The following ITFG1 variants were observed in gnomAD, a reference collection of about 807,000 sequenced individuals.
ITFG1 encodes integrin alpha FG-GAP repeat containing 1.
Under a neutral mutation model 81.8 loss-of-function variants are expected in ITFG1, and 34 were observed. The observed-to-expected ratio is 0.42, with a 90% confidence interval of 0.32 to 0.55. The LOEUF is 0.55. ITFG1 is among the 20% of genes least tolerant of loss of function. ITFG1 has a pLI of 0.17. For missense variants in ITFG1, 672 were observed against 755.4 expected, an observed-to-expected ratio of 0.89 and a Z score of 1.29; for synonymous variants, 285 against 270.6, an observed-to-expected ratio of 1.05 and a Z score of -0.52.
chr16:47,162,146 G>C (rs1486227123), intron 15 of ITFG1, among the ~76,000 whole-genome samples: 1 of 151,862 alleles, frequency 6.6e-6, no homozygotes. Flanking sequence ...AATTCAAATT[G>C]AGACTGACAA....
chr16:47,166,769 ACCC>A (rs760899883), intron 14 of ITFG1, among the ~76,000 whole-genome samples: 150,767 of 152,200 alleles, frequency 0.99, 74,688 homozygotes, highest in East Asian at 1. Flanking sequence ...TTTAGTTTGC[ACCC>A]AAATTAGTTT....
intron 15 of ITFG1, 34 bp from the exon 16 acceptor site, chr16:47,161,866 G>C (rs1964811321): frequency 3.3e-6 from 4 of 1,226,962 alleles, no homozygotes; most frequent in Non-Finnish European, 4.8e-6. Flanking sequence ...TTAACATTCA[G>C]CACATTTAAA....
intron 7 of ITFG1, among the ~76,000 whole-genome samples, chr16:47,372,932 C>G (rs1471096083): frequency 6.6e-6 from 1 of 152,302 alleles, no homozygotes; most frequent in East Asian, 1.9e-4. Context: ...AATCTCCCTA[C>G]GTCCAGATGT....
intron 5 of ITFG1, among the ~76,000 whole-genome samples, chr16:47,443,252 G>A (rs1969278143): frequency 6.6e-6 from 1 of 152,160 alleles, no homozygotes; most frequent in African/African-American, 2.4e-5. Flanking sequence ...GAAACAACAG[G>A]TGCTGGAGAG....
chr16:47,175,125 A>G (rs544725890), intron 14 of ITFG1, among the ~76,000 whole-genome samples: 24 of 152,260 alleles, frequency 1.6e-4, no homozygotes, highest in African/African-American at 5.5e-4. Context: ...AAAAGAGAAT[A>G]AAGGATAAAA....
At chr16:47,212,719 T>C (rs1302980393) in intron 14 of ITFG1, among the ~76,000 whole-genome samples, 1 of 152,266 alleles carries the variant, frequency 6.6e-6, no homozygotes, top group Non-Finnish European at 1.5e-5. Flanking sequence ...GTCCAATGCA[T>C]GTGCATATTA....
At chr16:47,178,874 T>C (rs1021567013) in intron 14 of ITFG1, among the ~76,000 whole-genome samples, 1 of 151,974 alleles carries the variant, frequency 6.6e-6, no homozygotes, top group Non-Finnish European at 1.5e-5. Flanking sequence ...TTAAACAAAT[T>C]TACAAGAAAA....
At chr16:47,205,909 A>C (rs991096527) in intron 14 of ITFG1, among the ~76,000 whole-genome samples, 2 of 151,606 alleles carry the variant, frequency 1.3e-5, no homozygotes, top group African/African-American at 4.9e-5. Context: ...TTTGTTGCCC[A>C]GGCTGGAGTG....
chr16:47,319,366 G>C (rs992982428), intron 8 of ITFG1, among the ~76,000 whole-genome samples: 1 of 152,078 alleles, frequency 6.6e-6, no homozygotes, highest in Admixed American at 6.6e-5. Context: ...AGCTCACTTC[G>C]TTCATTTTAG....
chr16:47,333,252 G>T (rs1596903802), intron 8 of ITFG1, among the ~76,000 whole-genome samples: 1 of 152,082 alleles, frequency 6.6e-6, no homozygotes, highest in Non-Finnish European at 1.5e-5. Flanking sequence ...TTACAGATGA[G>T]GACATTGATG....
In ITFG1 at chr16:47,309,313, G is replaced by A. The variant is rs188038259; in HGVS notation, c.1070+1927C>T. On this transcript the variant is annotated intron_variant, in intron 10 of 17. Transcript: ENST00000320640. ...CCTCGATCTCTTGACCTCATGATCC[G>A]CGTGCCTCGGCCTCCCAAAGTGCTG... is the stretch of plus-strand genomic sequence containing the variant. 1.1e-4 allele frequency among the ~76,000 whole-genome samples: 17 copies of A among 151,982 alleles called. No homozygotes were observed. In the East Asian group the frequency reaches 2.9e-3, roughly 26 times the overall value.
intron 10 of ITFG1, among the ~76,000 whole-genome samples, chr16:47,275,097 T>C (rs1311916006): frequency 6.6e-6 from 1 of 152,170 alleles, no homozygotes; most frequent in Non-Finnish European, 1.5e-5. Flanking sequence ...ATCACATGTC[T>C]GTTATTTTTA....
At position 47,319,929 on chromosome 16, in the gene ITFG1, A is replaced by G. The variant is rs142994157; in HGVS notation, c.803-6106T>C. On this transcript the variant is annotated intron_variant, in intron 8 of 17. Coordinates refer to ENST00000320640, the MANE Select transcript of ITFG1 (RefSeq NM_030790.5). ...CCTCCAGAGGCCCAAATATATATAC[A>G]TATCTTTTTTGAGACAGAGTCTCAC... Among the ~76,000 whole-genome samples the G allele has an allele frequency of 8.3e-4, 127 of 152,208 alleles. 1 individual carries two copies. Among genetic ancestry groups the G allele is most frequent in the African/African-American group, 2.9e-3 (120 of 41,554 alleles).
intron 8 of ITFG1, among the ~76,000 whole-genome samples, chr16:47,328,552 A>G (rs1033091852): frequency 6.6e-6 from 1 of 152,134 alleles, no homozygotes; most frequent in Non-Finnish European, 1.5e-5. Flanking sequence ...AAATTTAGAC[A>G]CATTTCTTAC....
chr16:47,198,700 T>C (rs1281311617), intron 14 of ITFG1, among the ~76,000 whole-genome samples: 2 of 152,096 alleles, frequency 1.3e-5, no homozygotes, highest in African/African-American at 2.4e-5. Context: ...GACTTTCTAG[T>C]GGAACAAGAT....
chr16:47,286,069 G>T (rs1411499710), intron 10 of ITFG1, among the ~76,000 whole-genome samples: 1 of 152,138 alleles, frequency 6.6e-6, no homozygotes, highest in Non-Finnish European at 1.5e-5. Context: ...ATCACTGCTT[G>T]GGGCAAGTTG....
intron 2 of ITFG1, among the ~76,000 whole-genome samples, chr16:47,456,518 C>T (rs1410874340): frequency 6.6e-6 from 1 of 152,040 alleles, no homozygotes. Flanking sequence ...CGGTGAAACC[C>T]TGTCTCTACT....
At chr16:47,305,806 G>T (rs1047623822) in intron 10 of ITFG1, among the ~76,000 whole-genome samples, 3 of 152,096 alleles carry the variant, frequency 2.0e-5, no homozygotes, top group African/African-American at 7.2e-5. Context: ...GGAAAATAAA[G>T]AAAATTTCAG....
chr16:47,420,868 C>G (rs1016267171), intron 6 of ITFG1, among the ~76,000 whole-genome samples: 1 of 152,122 alleles, frequency 6.6e-6, no homozygotes, highest in Non-Finnish European at 1.5e-5. Flanking sequence ...TATAGCAACA[C>G]AAATGGATTA....
Sources: allele counts gnomAD v4.1 joint callset (sites outside exome capture counted in the v4.1 genomes callset), GRCh38; gene constraint gnomAD v4.1.1; transcripts MANE v1.5; gene names NCBI Gene and HGNC (gene_info 2026-07-23, HGNC 2026-07-21).